Variants in HS3ST3A1 observed in about 807,000 individuals in gnomAD.
HS3ST3A1 encodes heparan sulfate glucosamine 3-O-sulfotransferase 3A1.
A neutral mutation model predicts 25.7 loss-of-function variants in HS3ST3A1; 19 were observed. The ratio of observed to expected loss-of-function variants is 0.74; its 90% confidence interval spans 0.52 to 1.08. HS3ST3A1 has a LOEUF of 1.08. Among genes scored for constraint, HS3ST3A1 ranks in the 50% least tolerant of loss-of-function variants. The pLI is 0.00. For missense variants in HS3ST3A1, 459 were observed against 594.3 expected (o/e 0.77, Z 2.37); for synonymous variants, 226 against 278.6 (o/e 0.81, Z 1.88).
chr17:13,601,606 G>T lies in HS3ST3A1; in HGVS notation c.-477C>A, dbSNP rs1347734161. 1 of 155,696 alleles carries T rather than the reference G, an allele frequency of 6.4e-6. No homozygotes were observed. The highest frequency in any genetic ancestry group is 2.4e-5 in the African/African-American group (1 of 41,592). The allele number at this position is 155,696 out of a possible 1,614,324, so 9.6% of individuals were successfully genotyped here. A position where few individuals can be genotyped will look rare whatever the true frequency, so the allele number is the denominator to read the frequency against. The stretch of plus-strand genomic sequence containing the variant: ...GCTGCCGGGCCTCTGCGCTCCGTGC[G>T]CTCCAGACAGTGGCGAGCGACAGTG... On this transcript the variant is annotated 5_prime_UTR_variant, in exon 1 of 2. Coordinates refer to ENST00000284110, the MANE Select transcript of HS3ST3A1 (RefSeq NM_006042.3).
At chr17:13,580,502 A>G (rs1908081251) in intron 1 of HS3ST3A1, among the ~76,000 whole-genome samples, 1 of 152,222 alleles carries the variant, frequency 6.6e-6, no homozygotes, top group African/African-American at 2.4e-5. Flanking sequence ...AGTATTTGTC[A>G]ATTAAAAACA....
chr17:13,588,552 T>G (rs1440041006), intron 1 of HS3ST3A1, among the ~76,000 whole-genome samples: 1 of 152,210 alleles, frequency 6.6e-6, no homozygotes, highest in Non-Finnish European at 1.5e-5. Context: ...AAATACATTT[T>G]ACACCCAATC....
At chr17:13,597,479 T>C (rs1357321930) in intron 1 of HS3ST3A1, among the ~76,000 whole-genome samples, 1 of 152,170 alleles carries the variant, frequency 6.6e-6, no homozygotes, top group Non-Finnish European at 1.5e-5. Flanking sequence ...AAATGGACAC[T>C]ATTCATTGCA....
chr17:13,525,423 C>A (rs1028398708), intron 1 of HS3ST3A1, among the ~76,000 whole-genome samples: 8 of 151,452 alleles, frequency 5.3e-5, no homozygotes, highest in Non-Finnish European at 8.8e-5. Flanking sequence ...CTGAGGCAAC[C>A]TGTTTTTGTC....
In HS3ST3A1 at chr17:13,600,789, TC is replaced by T; in HGVS notation, c.340del (p.Glu114LysfsTer47). 1 of 1,436,668 alleles carries T rather than the reference TC, an allele frequency of 7.0e-7. No homozygotes were observed. The highest frequency in any genetic ancestry group is 9.0e-7 in the Non-Finnish European group (1 of 1,108,270). 89.0% of individuals were successfully genotyped at this position (1,436,668 alleles called of 1,614,324 possible). On this transcript the variant is annotated frameshift_variant, in exon 1 of 2. Transcript: ENST00000284110. LOFTEE classifies it high-confidence loss of function. The part of the protein sequence containing the change: ...PRDDGEEAAW[E>X]EESPGLSGGP... Reference sequence around the variant, plus strand: ...CCCTGACAGGCCAGGGGACTCTTCTTCCCAGGCCGCCTCCTCGCCGTCGTCG... The same window carrying T: ...CCCTGACAGGCCAGGGGACTCTTCTTCCAGGCCGCCTCCTCGCCGTCGTCG...
At chr17:13,528,298 G>A (rs934987664) in intron 1 of HS3ST3A1, among the ~76,000 whole-genome samples, 6 of 152,216 alleles carry the variant, frequency 3.9e-5, no homozygotes, top group African/African-American at 1.2e-4. Flanking sequence ...GCACAGAGAT[G>A]TGCTACTCAG....
chr17:13,543,633 C>T (rs986115093), intron 1 of HS3ST3A1: 1 of 161,746 alleles, frequency 6.2e-6, no homozygotes, highest in African/African-American at 2.4e-5. Context: ...CAACCTAATA[C>T]ATGCAGAATC....
At chr17:13,515,413 G>A (rs573202260) in intron 1 of HS3ST3A1, among the ~76,000 whole-genome samples, 29 of 149,822 alleles carry the variant, frequency 1.9e-4, no homozygotes, top group African/African-American at 4.7e-4. Context: ...GCCTGCCTTC[G>A]CCTCCCAAAG....
chr17:13,498,523 A>T (rs1301881806), intron 1 of HS3ST3A1, among the ~76,000 whole-genome samples: 1 of 152,194 alleles, frequency 6.6e-6, no homozygotes, highest in African/African-American at 2.4e-5. Flanking sequence ...TTTCTGTATA[A>T]AAACTGTCCA....
intron 1 of HS3ST3A1, among the ~76,000 whole-genome samples, chr17:13,531,050 T>C (rs547733856): frequency 6.6e-6 from 1 of 152,288 alleles, no homozygotes; most frequent in South Asian, 2.1e-4. Flanking sequence ...GTCGATTCAG[T>C]GTCATCTGAA....
At chr17:13,594,407 G>A (rs867841797) in intron 1 of HS3ST3A1, among the ~76,000 whole-genome samples, 18 of 152,200 alleles carry the variant, frequency 1.2e-4, no homozygotes, top group African/African-American at 4.1e-4. Context: ...AAGCTGTCCC[G>A]TGTGTGGTGG....
Position 13,600,553 on chromosome 17 carries a change from C to G in HS3ST3A1, c.577G>C (p.Asp193His), listed in dbSNP as rs772213817. 5 of 1,600,882 alleles carry G rather than the reference C, an allele frequency of 3.1e-6. No individual in the cohort carries two copies. In the African/African-American group the frequency reaches 4.0e-5, roughly 13 times the overall value. The change falls in exon 1 of 2, where the codon GAC (aspartate) becomes CAC (histidine). Residue 193 changes from aspartate to histidine, a missense_variant. Transcript: ENST00000284110. ...AEPHFFDRSYDKGLAWYRDLM... is the reference protein window; with the variant it reads ...AEPHFFDRSYHKGLAWYRDLM... ...CACCGGTACCAGGCGAGGCCCTTGT[C>G]GTAGCTGCGGTCGAAGAAGTGGGGC...
chr17:13,560,882 A>T (rs997517418), intron 1 of HS3ST3A1, among the ~76,000 whole-genome samples: 18 of 152,192 alleles, frequency 1.2e-4, no homozygotes, highest in African/African-American at 4.1e-4. Flanking sequence ...TACAGAAGGA[A>T]GGTTGGTAAA....
At chr17:13,577,177 C>T (rs12232510) in intron 1 of HS3ST3A1, among the ~76,000 whole-genome samples, 3,545 of 152,282 alleles carry the variant, frequency 0.023, 150 homozygotes, top group East Asian at 0.17. Flanking sequence ...TACCTTCCAC[C>T]AGGTCCCTTC....
intron 1 of HS3ST3A1, among the ~76,000 whole-genome samples, chr17:13,560,752 T>G (rs767801758): frequency 6.6e-6 from 1 of 152,208 alleles, no homozygotes; most frequent in African/African-American, 2.4e-5. Context: ...AGGTGCCTGA[T>G]AGAGAATCTG....
chr17:13,549,068 G>A (rs182502617), intron 1 of HS3ST3A1, among the ~76,000 whole-genome samples: 7 of 152,324 alleles, frequency 4.6e-5, no homozygotes, highest in African/African-American at 1.7e-4. Context: ...AAATCTTGCT[G>A]TTGCTCACGC....
At chr17:13,504,209 C>T (rs1905581626) in intron 1 of HS3ST3A1, among the ~76,000 whole-genome samples, 2 of 152,172 alleles carry the variant, frequency 1.3e-5, no homozygotes, top group East Asian at 1.9e-4. Context: ...CCCAGCTACT[C>T]GGGAGGCTGA....
In HS3ST3A1 at chr17:13,516,315, A is replaced by G. The variant is rs1906052544; in HGVS notation, c.600-19497T>C. On this transcript the variant is annotated intron_variant, in intron 1 of 1. Transcript: ENST00000284110. ...ACAGCGCAAGACTCTGTCTCAAAAA[A>G]ATAAAAAAATAAATAAATAAATAAA... Among the ~76,000 whole-genome samples, 3 of 151,660 alleles carry G rather than the reference A, an allele frequency of 2.0e-5. No homozygotes were observed. The South Asian group carries it at 6.2e-4, about 31-fold the overall frequency.
intron 1 of HS3ST3A1, among the ~76,000 whole-genome samples, chr17:13,514,825 G>T (rs906150087): frequency 1.3e-5 from 2 of 152,156 alleles, no homozygotes; most frequent in Non-Finnish European, 2.9e-5. Flanking sequence ...ACACATACTG[G>T]ATTTCATAGA....
Sources: gnomAD v4.1 joint callset for allele counts (sites outside exome capture counted in the v4.1 genomes callset) on GRCh38, gnomAD v4.1.1 for gene constraint, MANE v1.5 for transcripts, NCBI Gene and HGNC (gene_info 2026-07-23, HGNC 2026-07-21) for gene names.